The following CKAP5 variants were observed in gnomAD, a reference collection of about 807,000 sequenced individuals.
The protein encoded by CKAP5 is cytoskeleton-associated protein 5.
A neutral mutation model predicts 232.8 loss-of-function variants in CKAP5; 27 were observed. The observed-to-expected ratio is 0.12, with a 90% CI of 0.09 to 0.16. The LOEUF (loss-of-function observed/expected upper bound fraction) is 0.16, where lower values mean the gene tolerates loss of function less well. Among genes scored for constraint, CKAP5 ranks in the 10% least tolerant of loss-of-function variants. CKAP5 has a pLI of 1.00. For missense variants in CKAP5, 1,838 were observed against 2,424.7 expected (o/e 0.76, Z 5.08); for synonymous variants, 785 against 841.1 (o/e 0.93, Z 1.16).
At position 46,788,093 on chromosome 11, in the gene CKAP5, TTAAC is replaced by T. The variant is rs2065413692; in HGVS notation, c.1968+584_1968+587del. ...CAATACATGTACCATTCAAAATATGTTAACTGACTATGTTATCAGTAGGGCTTCT... is the reference window on the plus strand; with the variant it reads ...CAATACATGTACCATTCAAAATATGTTGACTATGTTATCAGTAGGGCTTCT... On this transcript the variant is annotated intron_variant, in intron 16 of 43. Transcript: ENST00000529230. 2.6e-5 allele frequency among the ~76,000 whole-genome samples: 4 copies of T among 152,254 alleles called. No homozygotes were observed. The South Asian group carries it at 8.3e-4, about 32-fold the overall frequency.
chr11:46,819,990 G>C (rs1939490741), intron 2 of CKAP5, among the ~76,000 whole-genome samples: 2 of 151,730 alleles, frequency 1.3e-5, no homozygotes, highest in African/African-American at 4.8e-5. Flanking sequence ...CACAATAAAT[G>C]CTCAAAAAAT....
intron 1 of CKAP5, among the ~76,000 whole-genome samples, chr11:46,835,182 C>T (rs1011400437): frequency 6.6e-5 from 10 of 151,594 alleles, no homozygotes; most frequent in Non-Finnish European, 1.3e-4. Flanking sequence ...TGAGAGAAGT[C>T]AATAAAATAA....
chr11:46,828,828 A>G (rs562647464), intron 1 of CKAP5, among the ~76,000 whole-genome samples: 1 of 152,204 alleles, frequency 6.6e-6, no homozygotes, highest in East Asian at 1.9e-4. Context: ...AGAACCAGAA[A>G]GTAGAATGGT....
intron 16 of CKAP5, among the ~76,000 whole-genome samples, chr11:46,786,896 C>G (rs572808230): frequency 4.1e-4 from 63 of 152,312 alleles, no homozygotes; most frequent in African/African-American, 1.4e-3. Flanking sequence ...TTAAGAAAAT[C>G]TCTCCAGTCA....
intron 26 of CKAP5, among the ~76,000 whole-genome samples, chr11:46,769,048 T>G (rs1380084087): frequency 2.0e-5 from 3 of 152,106 alleles, no homozygotes; most frequent in African/African-American, 7.2e-5. Context: ...GCCTCCTGAG[T>G]AGCTGGGATT....
chr11:46,787,707 AT>A (rs2065408160), intron 16 of CKAP5, among the ~76,000 whole-genome samples: 1 of 152,222 alleles, frequency 6.6e-6, no homozygotes, highest in African/African-American at 2.4e-5. Flanking sequence ...GAAGAAAAAA[AT>A]GTATATATCT....
chr11:46,790,897 T>C (rs1433276772), intron 13 of CKAP5, among the ~76,000 whole-genome samples: 1 of 152,164 alleles, frequency 6.6e-6, no homozygotes, highest in Non-Finnish European at 1.5e-5. Context: ...GAGATCCTCC[T>C]GTCTTGGCCT....
intron 1 of CKAP5, among the ~76,000 whole-genome samples, chr11:46,822,963 T>C (rs115334071): frequency 6.8e-4 from 104 of 152,222 alleles, no homozygotes; most frequent in African/African-American, 2.4e-3. Context: ...TTATGCTACC[T>C]ATCTTCTTTT....
intron 15 of CKAP5, 65 bp downstream of exon 15, chr11:46,790,011 C>T: frequency 9.6e-7 from 1 of 1,037,364 alleles, no homozygotes; most frequent in Non-Finnish European, 1.5e-6. Flanking sequence ...ATCCTTCATT[C>T]ATCAATTTCG....
chr11:46,802,936 A>C (rs1430209496), intron 8 of CKAP5, among the ~76,000 whole-genome samples: 1 of 152,012 alleles, frequency 6.6e-6, no homozygotes, highest in Non-Finnish European at 1.5e-5. Flanking sequence ...TTTCACCCAA[A>C]CCCTATGAGG....
At position 46,765,256 on chromosome 11, in the gene CKAP5, T is replaced by A. The variant is rs79956008; in HGVS notation, c.3412A>T (p.Ser1138Cys). The change falls in exon 28 of 44, where the codon AGT (serine) becomes TGT (cysteine). Residue 1138 changes from serine (S) to cysteine (C), a missense_variant and splice_region_variant. Physicochemically the swap from Ser to Cys is moderately radical, Grantham distance 112. Around this residue, in one of 6 missense-constraint regions of CKAP5, gnomAD observed 767 missense variants for 954.6 expected, o/e 0.80. Transcript: ENST00000529230. ...CTTGGCATCTTCTTCCCTTGTGCAC[T>A]CTACAACCAAGGTTCAGGGAATACT... ...KAPGLSSKAK[S>C]AQGKKMPSKT... 462 of 1,607,248 alleles carry A rather than the reference T, an allele frequency of 2.9e-4. 1 individual carries two copies. The African/African-American group carries it at 5.7e-3, about 20-fold the overall frequency.
rs139317546 is a variant in CKAP5 at position 46,784,185 on chromosome 11, G to A, written c.2154+303C>T. Among the ~76,000 whole-genome samples, 417 of 151,828 alleles carry A rather than the reference G, an allele frequency of 2.7e-3. 2 individuals carry two copies. Among genetic ancestry groups the A allele is most frequent in the African/African-American group, 9.5e-3 (395 of 41,448 alleles). On this transcript the variant is annotated intron_variant, in intron 17 of 43. Coordinates refer to ENST00000529230, the MANE Select transcript of CKAP5 (RefSeq NM_001008938.4). ...GGAGTTCGAGACAAGCCTGGCCAAC[G>A]TGGCGAAATCCTGTCTCTATTAAAA...
intron 9 of CKAP5, among the ~76,000 whole-genome samples, chr11:46,798,998 A>G (rs1938964199): frequency 6.6e-6 from 1 of 152,186 alleles, no homozygotes; most frequent in Non-Finnish European, 1.5e-5. Context: ...CTCTCCCACT[A>G]TGGCAGTGCT....
chr11:46,744,311 T>A, intron 43 of CKAP5, 46 bp from the exon 44 acceptor site: 1 of 1,612,874 alleles, frequency 6.2e-7, no homozygotes, highest in Non-Finnish European at 8.5e-7. Flanking sequence ...GTCAAGCAGG[T>A]CAAGATGCAG....
chr11:46,778,711 A>G, intron 20 of CKAP5, 112 bp from the exon 21 acceptor site: 1 of 813,942 alleles, frequency 1.2e-6, no homozygotes, highest in Non-Finnish European at 2.0e-6. Flanking sequence ...ACCTATTTAC[A>G]CAGTAGGTAA....
chr11:46,805,914 G>A (rs1939143489), intron 8 of CKAP5, among the ~76,000 whole-genome samples: 1 of 152,130 alleles, frequency 6.6e-6, no homozygotes, highest in Non-Finnish European at 1.5e-5. Context: ...TCCAGCCTGG[G>A]CAACAATAAC....
chr11:46,796,839 A>C lies in CKAP5; in HGVS notation c.1440T>G (p.Ala480=), dbSNP rs1938888433. The C allele has an allele frequency of 6.2e-7, 1 of 1,614,044 alleles. No individual in the cohort carries two copies. Among genetic ancestry groups the C allele is most frequent in the African/African-American group, 1.3e-5 (1 of 75,044 alleles). The stretch of plus-strand genomic sequence containing the variant: ...TATCAAGCTTGAGTTTGTCCACATC[A>C]GCTAGGAATGGGTTTACTGCTTTCT... The part of the protein sequence containing the change: ...VGEKAVNPFL[A]DVDKLKLDKI... Residue 480 remains alanine, a synonymous_variant, in exon 12 of 44, where the codon GCT becomes GCG. Transcript: ENST00000529230.
At chr11:46,802,776 C>T (rs1302949386) in intron 8 of CKAP5, among the ~76,000 whole-genome samples, 2 of 152,088 alleles carry the variant, frequency 1.3e-5, no homozygotes, top group Non-Finnish European at 2.9e-5. Context: ...TTAAACAACT[C>T]CTAACATGCA....
chr11:46,768,253 C>T (rs1462845738), intron 26 of CKAP5, among the ~76,000 whole-genome samples: 2 of 152,012 alleles, frequency 1.3e-5, no homozygotes, highest in Non-Finnish European at 2.9e-5. Context: ...TGCAATAGCA[C>T]GTTCAGGGCT....
Sources: allele counts gnomAD v4.1 joint callset (sites outside exome capture counted in the v4.1 genomes callset), GRCh38; gene constraint gnomAD v4.1.1; regional missense constraint gnomAD v4.1.1; transcripts MANE v1.5; gene names NCBI Gene and HGNC (gene_info 2026-07-23, HGNC 2026-07-21).